Variants in RABL6 observed in about 807,000 individuals in gnomAD.
RABL6 encodes the protein rab-like protein 6.
Under a neutral mutation model 72.9 loss-of-function variants are expected in RABL6, and 28 were observed. The ratio of observed to expected loss-of-function variants is 0.38; its 90% CI spans 0.28 to 0.53. The LOEUF (loss-of-function observed/expected upper bound fraction) is 0.53, where lower values mean the gene tolerates loss of function less well. Ranked by LOEUF, RABL6 falls within the 20% of genes least tolerant of loss-of-function variation. The pLI is 0.80. For synonymous variants in RABL6, 477 were observed against 421.2 expected, an observed-to-expected ratio of 1.13 and a Z score of -1.62; for missense variants, 1,029 against 1,008.4, an observed-to-expected ratio of 1.02 and a Z score of -0.28.
intron 7 of RABL6, chr9:136,832,718 A>C: frequency 2.7e-6 from 1 of 367,608 alleles, no homozygotes; most frequent in South Asian, 2.3e-5. Context: ...TGCGGCCTCA[A>C]ACTCCGGGGC....
At chr9:136,835,922 CAAG>C in intron 8 of RABL6, 77 bp downstream of exon 8, 1 of 1,353,538 alleles carries the variant, frequency 7.4e-7, no homozygotes, top group Non-Finnish European at 1.0e-6. Flanking sequence ...TGGGCTGCAC[CAAG>C]GAGACAGCAG....
rs368555517 is a variant in RABL6, at chr9:136,828,467, C to T, written c.314-27C>T. On this transcript the variant is annotated intron_variant, in intron 3 of 14. Transcript: ENST00000311502. ...GGCCCAAGGCCCAGGGGTTCCACCT[C>T]GTAATTTTTGTTTGTTTTTAAATAA... 7.9e-5 allele frequency: 127 copies of T among 1,611,616 alleles called. No homozygotes were observed. In the East Asian group the frequency reaches 9.6e-4, roughly 12 times the overall value.
chr9:136,824,789 T>C (rs531528500), intron 2 of RABL6, among the ~76,000 whole-genome samples: 24 of 152,278 alleles, frequency 1.6e-4, no homozygotes, highest in Admixed American at 1.5e-3. Context: ...TGCTGCTCTC[T>C]AGGGCCTGGG....
chr9:136,838,509 C>T (rs937389985), intron 10 of RABL6, among the ~76,000 whole-genome samples: 2 of 152,260 alleles, frequency 1.3e-5, no homozygotes, highest in African/African-American at 4.8e-5. Flanking sequence ...CATTTGGTCC[C>T]AGGACAGCCC....
In RABL6 at chr9:136,840,447, T is replaced by C. The variant is rs1287177857; in HGVS notation, c.2115T>C (p.Asp705=). The C allele has an allele frequency of 4.5e-6, 7 of 1,546,656 alleles. No homozygotes were observed. In the African/African-American group the frequency reaches 6.9e-5, roughly 15 times the overall value. The change falls in exon 15 of 15, where the codon GAT becomes GAC. Residue 705 remains aspartate (D), a synonymous_variant. Coordinates refer to ENST00000311502, the MANE Select transcript of RABL6 (RefSeq NM_024718.5). The part of the protein sequence containing the change: ...PPRSRERTAA[D]ELEAFLGGGA... ...GCAGCAGGGAGAGGACGGCTGCCGATGAGCTGGAGGCTTTCCTGGGGGGCG... is the reference window on the plus strand; with the variant it reads ...GCAGCAGGGAGAGGACGGCTGCCGACGAGCTGGAGGCTTTCCTGGGGGGCG...
chr9:136,838,988 A>G lies in RABL6; in HGVS notation c.1360A>G (p.Ser454Gly), dbSNP rs746703589. 6.2e-7 allele frequency: 1 copy of G among 1,611,888 alleles called. No homozygotes were observed. Among genetic ancestry groups the G allele is most frequent in the Non-Finnish European group, 8.5e-7 (1 of 1,179,554 alleles). The change falls in exon 11 of 15, where the codon AGT becomes GGT. Residue 454 changes from serine (S) to glycine (G), a missense_variant. By Grantham distance (56) the Ser-to-Gly change is moderately conservative (BLOSUM62 0). Coordinates refer to ENST00000311502, the MANE Select transcript of RABL6 (RefSeq NM_024718.5). The stretch of plus-strand genomic sequence containing the variant: ...GGACCTCGAAGACCAGCCACGTGGG[A>G]GTCCCCCGCTGCCTGCAGGCCCCGT... ...DVDLEDQPRG[S>G]PPLPAGPVPS...
intron 10 of RABL6, among the ~76,000 whole-genome samples, chr9:136,838,258 G>A (rs866421506): frequency 6.6e-6 from 1 of 152,306 alleles, no homozygotes; most frequent in Middle Eastern, 3.4e-3. Flanking sequence ...GGGGCACCTT[G>A]GGGTCTTCTG....
In RABL6 at chr9:136,835,757, C is replaced by A. The variant is rs375009169; in HGVS notation, c.721C>A (p.Arg241=). 230 of 1,549,654 alleles carry A rather than the reference C, an allele frequency of 1.5e-4. No homozygotes were observed. In the African/African-American group the frequency reaches 2.8e-3, roughly 19 times the overall value. The change falls in exon 8 of 15, where the codon CGG becomes AGG. Residue 241 remains arginine (R), a synonymous_variant. Transcript: ENST00000311502. ...CTTTCTGCAGAGGGAGACGCTGTTG[C>A]GGCAGCTGGAGACGAACCAGCTGGA... ...FLQLQRETLL[R]QLETNQLDMD...
In RABL6 at chr9:136,837,542, G is replaced by A. The variant is rs762258115; in HGVS notation, c.1006G>A (p.Val336Ile). 1.7e-5 allele frequency: 27 copies of A among 1,548,062 alleles called. 1 individual carries two copies. In the Admixed American group the frequency reaches 3.7e-4, roughly 21 times the overall value. Reference protein sequence around the residue: ...NAAPPSSVPPVPPSEALPPPA... With the variant: ...NAAPPSSVPPIPPSEALPPPA... ...CGCCCCACCATCCTCTGTGCCCCCT[G>A]TACCACCCTCAGAGGCCCTGCCCCC... Residue 336 changes from valine (V) to isoleucine (I), a missense_variant, in exon 9 of 15, where the codon GTA becomes ATA. Val to Ile is a conservative substitution (Grantham distance 29). Transcript: ENST00000311502.
chr9:136,823,305 T>C (rs1343066946), intron 1 of RABL6, among the ~76,000 whole-genome samples: 1 of 152,000 alleles, frequency 6.6e-6, no homozygotes, highest in Non-Finnish European at 1.5e-5. Context: ...CGGTTCGCCG[T>C]TGATGCTCTG....
In RABL6 at chr9:136,823,375, C is replaced by T. The variant is rs1848284627; in HGVS notation, c.131-150C>T. 1.0e-5 allele frequency: 11 copies of T among 1,101,990 alleles called. No individual in the cohort carries two copies. The South Asian group carries it at 1.7e-4, about 18-fold the overall frequency. 68.3% of individuals were successfully genotyped at this position (1,101,990 alleles called of 1,614,324 possible). On this transcript the variant is annotated intron_variant, in intron 1 of 14. Coordinates refer to ENST00000311502, the MANE Select transcript of RABL6 (RefSeq NM_024718.5). ...GCCATGGTACCCACCCATCGTCTTC[C>T]TCCCCTGCCTGCCGGTCACCTGGTC...
At chr9:136,828,361 G>A (rs1848401034) in intron 3 of RABL6, 133 bp from the exon 4 acceptor site, 1 of 840,088 alleles carries the variant, frequency 1.2e-6, no homozygotes, top group Non-Finnish European at 1.9e-6. Context: ...TGCCCACGCT[G>A]CAGGCTGTTT....
intron 6 of RABL6, 38 bp downstream of exon 6, chr9:136,831,899 G>T: frequency 6.3e-7 from 1 of 1,576,996 alleles, no homozygotes; most frequent in Non-Finnish European, 8.6e-7. Context: ...GACCCTGCCC[G>T]GTGCTCCGGT....
intron 1 of RABL6, chr9:136,821,685 C>A: frequency 1.0e-6 from 1 of 999,748 alleles, no homozygotes; most frequent in Non-Finnish European, 1.2e-6. Context: ...GCCTGGCTCC[C>A]TCCTGGCTGC....
Position 136,840,524 on chromosome 9 carries a change from CCGG to C in RABL6, c.*5_*7del. 6.5e-7 allele frequency: 1 copy of C among 1,539,018 alleles called. No individual in the cohort carries two copies. Among genetic ancestry groups the C allele is most frequent in the South Asian group, 1.2e-5 (1 of 83,384 alleles). ...GGTGGCGACTACGAGGAGCTCTAGG[CCGG>C]CGTGGGCAGTGGCCGCCCTGGGGCG... On this transcript the variant is annotated 3_prime_UTR_variant, in exon 15 of 15. Coordinates refer to ENST00000311502, the MANE Select transcript of RABL6 (RefSeq NM_024718.5).
chr9:136,839,520 A>G, intron 12 of RABL6, 34 bp downstream of exon 12: 1 of 1,587,390 alleles, frequency 6.3e-7, no homozygotes, highest in Non-Finnish European at 8.6e-7. Context: ...GAGGTCAGCC[A>G]GGTGGCCAGG....
intron 7 of RABL6, chr9:136,834,543 A>G (rs1848548619): frequency 6.9e-6 from 6 of 875,326 alleles, no homozygotes; most frequent in Non-Finnish European, 8.2e-6. Context: ...CGGTGGTGCA[A>G]TCTTGCCTCA....
At chr9:136,815,266 G>C (rs964155889) in intron 1 of RABL6, 2 of 295,394 alleles carry the variant, frequency 6.8e-6, no homozygotes, top group African/African-American at 4.6e-5. Context: ...TTCTTGGCAG[G>C]TGTGGCGACT....
In RABL6 at chr9:136,835,656, GTCCC is replaced by G; in HGVS notation, c.706-85_706-82del. ...TCTCCTGGTTTTGGCAGCAGGAGGC[GTCCC>G]CTGTGCATTCAGGGGCTGTGGGGCT... On this transcript the variant is annotated intron_variant, in intron 7 of 14. Transcript: ENST00000311502. 8.2e-6 allele frequency: 10 copies of G among 1,224,602 alleles called. No homozygotes were observed. In the South Asian group the frequency reaches 1.5e-4, roughly 18 times the overall value. The allele number at this position is 1,224,602 out of a possible 1,614,324, so 75.9% of individuals were successfully genotyped here. A position where few individuals can be genotyped will look rare whatever the true frequency, so the allele number is the denominator to read the frequency against.
Sources: gnomAD v4.1 joint callset for allele counts (sites outside exome capture counted in the v4.1 genomes callset) on GRCh38, gnomAD v4.1.1 for gene constraint, MANE v1.5 for transcripts, NCBI Gene and HGNC (gene_info 2026-07-23, HGNC 2026-07-21) for gene names.